Variants in CSMD1 observed in about 807,000 individuals in gnomAD.
CSMD1 encodes the protein CUB and sushi domain-containing protein 1.
A neutral mutation model predicts 417.5 loss-of-function variants in CSMD1; 213 were observed. That is an observed-to-expected ratio of 0.51 (90% confidence interval 0.46 to 0.57). The LOEUF is 0.57. CSMD1 is among the 20% of genes least tolerant of loss of function. The pLI is 0.00. For synonymous variants in CSMD1, 2,862 were observed against 1,736.8 expected (o/e 1.65, Z -16.11); for missense variants, 6,923 against 4,529.7 (o/e 1.53, Z -15.17).
At chr8:4,919,022 T>G (rs574051925) in intron 1 of CSMD1, among the ~76,000 whole-genome samples, 2 of 152,346 alleles carry the variant, frequency 1.3e-5, no homozygotes, top group South Asian at 2.1e-4. Context: ...ATAAGCCACT[T>G]AGGTGCAGGG....
intron 54 of CSMD1, among the ~76,000 whole-genome samples, chr8:2,987,735 G>T (rs888503540): frequency 6.6e-6 from 1 of 152,192 alleles, no homozygotes; most frequent in African/African-American, 2.4e-5. Context: ...CTCTGTGCCA[G>T]GGGACACACC....
chr8:4,130,641 T>C (rs1223992473), intron 3 of CSMD1, among the ~76,000 whole-genome samples: 2 of 152,172 alleles, frequency 1.3e-5, no homozygotes, highest in East Asian at 1.9e-4. Flanking sequence ...CCTTGTGAAC[T>C]TGTGACTTTG....
chr8:4,408,262 T>G (rs6558876), intron 3 of CSMD1, among the ~76,000 whole-genome samples: 44 of 151,918 alleles, frequency 2.9e-4, no homozygotes, highest in Non-Finnish European at 5.7e-4. Context: ...TCAGAGGATA[T>G]GAAAGAATAT....
chr8:3,432,666 C>T (rs903159665), intron 12 of CSMD1, among the ~76,000 whole-genome samples: 1 of 152,016 alleles, frequency 6.6e-6, no homozygotes, highest in African/African-American at 2.4e-5. Context: ...CAGGCGTGTG[C>T]CACCACACCC....
chr8:3,925,167 T>A lies in CSMD1; in HGVS notation c.818+72736A>T, dbSNP rs959921716. 4.7e-4 allele frequency among the ~76,000 whole-genome samples: 72 copies of A among 152,144 alleles called. 1 individual carries two copies. The highest frequency in any genetic ancestry group is 7.4e-5 in the Non-Finnish European group (5 of 68,012). Reference sequence around the variant, plus strand: ...AATCCACTTCCCAAATCCTGACCCATAGAAATTATGAGAAAAGAAATGTGT... The same window carrying A: ...AATCCACTTCCCAAATCCTGACCCAAAGAAATTATGAGAAAAGAAATGTGT... On this transcript the variant is annotated intron_variant, in intron 5 of 69. Coordinates refer to ENST00000635120, the MANE Select transcript of CSMD1 (RefSeq NM_033225.6).
chr8:4,185,072 G>A (rs1044763123), intron 3 of CSMD1, among the ~76,000 whole-genome samples: 7 of 146,638 alleles, frequency 4.8e-5, no homozygotes, highest in African/African-American at 1.8e-4. Context: ...CTGGGAGGCA[G>A]AGGTTGCAGT....
At chr8:4,912,290 G>A (rs769916344) in intron 1 of CSMD1, among the ~76,000 whole-genome samples, 8 of 151,982 alleles carry the variant, frequency 5.3e-5, no homozygotes, top group Non-Finnish European at 7.4e-5. Flanking sequence ...GTACTAAAAT[G>A]ACGTGGACAG....
rs534018045 is a variant in CSMD1 at position 4,280,349 on chromosome 8, T to C, written c.415+139604A>G. ...GTTACCACGTTCTGAAAAAATAATT[T>C]CTAATAAATAATAATTGAATAGACA... On this transcript the variant is annotated intron_variant, in intron 3 of 69. Coordinates refer to ENST00000635120, the MANE Select transcript of CSMD1 (RefSeq NM_033225.6). Among the ~76,000 whole-genome samples, 43 of 152,330 alleles carry C rather than the reference T, an allele frequency of 2.8e-4. No individual in the cohort carries two copies. In the South Asian group the frequency reaches 7.5e-3, roughly 26 times the overall value.
intron 1 of CSMD1, among the ~76,000 whole-genome samples, chr8:4,696,784 G>A (rs754827162): frequency 6.6e-6 from 1 of 152,184 alleles, no homozygotes; most frequent in Non-Finnish European, 1.5e-5. Flanking sequence ...GACTGCATCA[G>A]TGAATGTATG....
chr8:3,816,182 C>G (rs116507621), intron 5 of CSMD1, among the ~76,000 whole-genome samples: 1 of 152,276 alleles, frequency 6.6e-6, no homozygotes, highest in Non-Finnish European at 1.5e-5. Flanking sequence ...CCTCTGTGCT[C>G]TCTGCATCTG....
intron 10 of CSMD1, among the ~76,000 whole-genome samples, chr8:3,540,831 GATC>G (rs555637910): frequency 2.6e-5 from 4 of 152,260 alleles, no homozygotes; most frequent in Non-Finnish European, 5.9e-5. Context: ...ACCACAATGA[GATC>G]ATTTCATGCC....
At chr8:4,774,473 T>C (rs1372482234) in intron 1 of CSMD1, among the ~76,000 whole-genome samples, 1 of 152,192 alleles carries the variant, frequency 6.6e-6, no homozygotes, top group Non-Finnish European at 1.5e-5. Flanking sequence ...TTTAGAGTAA[T>C]ATGCTTGATA....
rs1310998315 is a variant in CSMD1 at position 4,994,409 on chromosome 8, G to T, written c.8C>A (p.Ala3Glu). The stretch of plus-strand genomic sequence containing the variant: ...GAGCAGCGACTGGAATCTCCTCCAC[G>T]CAGTCATGTCTGCAGATACTCCACA... MT[A>E]WRRFQSLLLL... The change falls in exon 1 of 70, where the codon GCG becomes GAG. Residue 3 changes from alanine to glutamate, a missense_variant. By Grantham distance (107) the Ala-to-Glu change is moderately radical. Transcript: ENST00000635120. The T allele has an allele frequency of 6.2e-6, 10 of 1,611,742 alleles. No individual in the cohort carries two copies. Among genetic ancestry groups the T allele is most frequent in the Non-Finnish European group, 8.5e-6 (10 of 1,179,714 alleles).
chr8:4,405,455 C>T (rs1258571175), intron 3 of CSMD1, among the ~76,000 whole-genome samples: 1 of 151,924 alleles, frequency 6.6e-6, no homozygotes, highest in African/African-American at 2.4e-5. Flanking sequence ...ATTTTAACGC[C>T]CATCTATAGT....
At chr8:3,637,621 A>G (rs569953055) in intron 7 of CSMD1, among the ~76,000 whole-genome samples, 10 of 152,278 alleles carry the variant, frequency 6.6e-5, no homozygotes, top group African/African-American at 2.4e-4. Flanking sequence ...ACTGGGTGCT[A>G]CTGTTGGCAC....
chr8:4,641,581 G>A (rs187427038), intron 1 of CSMD1, among the ~76,000 whole-genome samples: 1 of 152,266 alleles, frequency 6.6e-6, no homozygotes, highest in East Asian at 1.9e-4. Context: ...GAAGTAAGTT[G>A]TCCAAAGTCT....
At chr8:3,099,904 G>T (rs1322968942) in intron 46 of CSMD1, among the ~76,000 whole-genome samples, 3 of 152,186 alleles carry the variant, frequency 2.0e-5, no homozygotes, top group Non-Finnish European at 4.4e-5. Flanking sequence ...AATTTGTAGA[G>T]AATTTGTACC....
At chr8:4,599,795 A>G (rs887775433) in intron 2 of CSMD1, among the ~76,000 whole-genome samples, 5 of 152,238 alleles carry the variant, frequency 3.3e-5, no homozygotes, top group Admixed American at 3.3e-4. Flanking sequence ...CTGTAAGCCA[A>G]GTATATTTCC....
intron 5 of CSMD1, among the ~76,000 whole-genome samples, chr8:3,786,548 C>T (rs1404483961): frequency 6.6e-6 from 1 of 152,172 alleles, no homozygotes; most frequent in Non-Finnish European, 1.5e-5. Context: ...AGTAATCATG[C>T]AGACTGAGGA....
Sources: allele counts gnomAD v4.1 joint callset (sites outside exome capture counted in the v4.1 genomes callset), GRCh38; gene constraint gnomAD v4.1.1; transcripts MANE v1.5; gene names NCBI Gene and HGNC (gene_info 2026-07-23, HGNC 2026-07-21).